Variants in PBX3 observed in about 807,000 individuals in gnomAD.
PBX3 encodes PBX homeobox 3, also known as pre-B-cell leukemia transcription factor 3.
Under a neutral mutation model 48.5 loss-of-function variants are expected in PBX3, and 14 were observed. The observed-to-expected ratio is 0.29, with a 90% CI of 0.19 to 0.45. The LOEUF (loss-of-function observed/expected upper bound fraction) is 0.45. Among genes scored for constraint, PBX3 ranks in the 20% least tolerant of loss-of-function variants. The probability of loss-of-function intolerance (pLI) is 1.00; values close to 1 mark genes in which losing one functional copy is unlikely to be tolerated. For synonymous variants in PBX3, 210 were observed against 200.3 expected, an observed-to-expected ratio of 1.05 and a Z score of -0.41; for missense variants, 386 against 546.7, an observed-to-expected ratio of 0.71 and a Z score of 2.93.
chr9:125,921,911 T>C (rs1488990983), intron 3 of PBX3, among the ~76,000 whole-genome samples: 1 of 152,184 alleles, frequency 6.6e-6, no homozygotes. Flanking sequence ...AGTTAGCTTT[T>C]CTTGATGGTT....
At chr9:125,896,216 G>A (rs1425034609) in intron 2 of PBX3, among the ~76,000 whole-genome samples, 1 of 151,912 alleles carries the variant, frequency 6.6e-6, no homozygotes, top group Non-Finnish European at 1.5e-5. Flanking sequence ...TAACCGACAA[G>A]GTAAGCAGAG....
chr9:125,949,970 T>C (rs1842157410), intron 5 of PBX3, among the ~76,000 whole-genome samples: 1 of 152,134 alleles, frequency 6.6e-6, no homozygotes, highest in South Asian at 2.1e-4. Context: ...GTGATGTCAG[T>C]GTTTCAAAAT....
chr9:125,803,160 C>T (rs1489362485), intron 2 of PBX3, among the ~76,000 whole-genome samples: 1 of 137,602 alleles, frequency 7.3e-6, no homozygotes, highest in Non-Finnish European at 1.5e-5. Context: ...GTGGTGCGAT[C>T]TCCCCTCACT....
chr9:125,764,079 T>C (rs1237439930), intron 2 of PBX3, among the ~76,000 whole-genome samples: 1 of 152,222 alleles, frequency 6.6e-6, no homozygotes, highest in Non-Finnish European at 1.5e-5. Context: ...TGCTTACTAT[T>C]TTACAACTGG....
chr9:125,920,332 A>G (rs1449746531), intron 3 of PBX3, among the ~76,000 whole-genome samples: 1 of 152,164 alleles, frequency 6.6e-6, no homozygotes, highest in Non-Finnish European at 1.5e-5. Flanking sequence ...TGGTTAAAGG[A>G]CCACTGTTAG....
intron 2 of PBX3, among the ~76,000 whole-genome samples, chr9:125,791,345 A>C (rs1005704457): frequency 7.4e-5 from 11 of 149,466 alleles, no homozygotes; most frequent in African/African-American, 2.7e-4. Flanking sequence ...CTATCTATCT[A>C]TCTCTGTCAA....
chr9:125,772,632 G>A (rs559962216), intron 2 of PBX3, among the ~76,000 whole-genome samples: 1 of 152,304 alleles, frequency 6.6e-6, no homozygotes, highest in African/African-American at 2.4e-5. Context: ...CTAAAGTAAG[G>A]CCACTAATTC....
intron 2 of PBX3, among the ~76,000 whole-genome samples, chr9:125,849,981 T>G (rs1205638932): frequency 3.9e-5 from 6 of 152,026 alleles, no homozygotes; most frequent in Admixed American, 3.9e-4. Context: ...ATTATGTACT[T>G]TGTGCAGTAA....
rs77796589 is a variant in PBX3, at chr9:125,941,242, C to T, written c.843+5635C>T. On this transcript the variant is annotated intron_variant, in intron 5 of 8. Coordinates refer to ENST00000373489, the MANE Select transcript of PBX3 (RefSeq NM_006195.6). Reference sequence around the variant, plus strand: ...ATTCTAGCAGAGGGAACAGCAAGTACGGAGGCCCTGAGGTAGAAGTGCCCT... The same window carrying T: ...ATTCTAGCAGAGGGAACAGCAAGTATGGAGGCCCTGAGGTAGAAGTGCCCT... Among the ~76,000 whole-genome samples the T allele has an allele frequency of 3.4e-3, 518 of 152,230 alleles. 6 individuals are homozygous for T. The highest frequency in any genetic ancestry group is 0.017 in the East Asian group (87 of 5,180).
chr9:125,934,720 C>A (rs1233956299), intron 4 of PBX3, among the ~76,000 whole-genome samples: 1 of 151,816 alleles, frequency 6.6e-6, no homozygotes, highest in Non-Finnish European at 1.5e-5. Flanking sequence ...CCTAAACTTC[C>A]TTCTCTATCT....
chr9:125,892,337 A>G (rs887738535), intron 2 of PBX3, among the ~76,000 whole-genome samples: 7 of 152,204 alleles, frequency 4.6e-5, no homozygotes, highest in Non-Finnish European at 1.0e-4. Context: ...TTTTGATGCT[A>G]TCATCTGTGA....
At chr9:125,893,453 A>G (rs566881750) in intron 2 of PBX3, among the ~76,000 whole-genome samples, 1 of 152,322 alleles carries the variant, frequency 6.6e-6, no homozygotes, top group African/African-American at 2.4e-5. Context: ...GGCTGTGCAT[A>G]TCTTCAGATC....
chr9:125,748,192 C>T, intron 1 of PBX3: 1 of 980,820 alleles, frequency 1.0e-6, no homozygotes, highest in African/African-American at 1.7e-5. Context: ...CGCAGTCGGC[C>T]GGCCTCCTCT....
intron 2 of PBX3, among the ~76,000 whole-genome samples, chr9:125,815,104 A>G (rs1838418887): frequency 6.6e-6 from 1 of 152,126 alleles, no homozygotes; most frequent in African/African-American, 2.4e-5. Flanking sequence ...TATTTTTTTG[A>G]AAGACTGAAA....
At chr9:125,760,205 A>G (rs1306325095) in intron 2 of PBX3, among the ~76,000 whole-genome samples, 1 of 152,214 alleles carries the variant, frequency 6.6e-6, no homozygotes, top group East Asian at 1.9e-4. Context: ...TTCTATTTTA[A>G]AGTTCATCTC....
intron 5 of PBX3, among the ~76,000 whole-genome samples, chr9:125,951,849 G>C (rs776107038): frequency 3.9e-5 from 6 of 152,202 alleles, no homozygotes; most frequent in Non-Finnish European, 5.9e-5. Flanking sequence ...AATGCACACA[G>C]TGTGTGTATC....
At chr9:125,836,961 G>C (rs1208420518) in intron 2 of PBX3, among the ~76,000 whole-genome samples, 1 of 152,144 alleles carries the variant, frequency 6.6e-6, no homozygotes, top group African/African-American at 2.4e-5. Context: ...CTTTCTTTGA[G>C]GGCAGTTTGG....
intron 3 of PBX3, among the ~76,000 whole-genome samples, chr9:125,926,662 C>CA (rs895630081): frequency 1.3e-5 from 2 of 149,382 alleles, no homozygotes; most frequent in Non-Finnish European, 3.0e-5. Context: ...ACTAAAAATA[C>CA]AAAAAAAATT....
intron 2 of PBX3, among the ~76,000 whole-genome samples, chr9:125,835,953 A>G (rs1652297459): frequency 1.3e-5 from 2 of 152,374 alleles, no homozygotes; most frequent in South Asian, 4.1e-4. Flanking sequence ...CTTAGTGTCT[A>G]TCAGTGGATG....
Sources: gnomAD v4.1 joint callset for allele counts (sites outside exome capture counted in the v4.1 genomes callset) on GRCh38, gnomAD v4.1.1 for gene constraint, MANE v1.5 for transcripts, NCBI Gene and HGNC (gene_info 2026-07-23, HGNC 2026-07-21) for gene names.